SPATA1: variants seen among roughly 807,000 people sequenced by gnomAD.
SPATA1 encodes the protein spermatogenesis associated 1.
In SPATA1, 57 loss-of-function variants were observed where a neutral mutation model predicts 59.6. The ratio of observed to expected loss-of-function variants is 0.96; its 90% CI spans 0.77 to 1.19. The LOEUF is 1.19. SPATA1 is among the 50% of genes most tolerant of loss of function. The pLI is 0.00. For synonymous variants in SPATA1, 147 were observed against 163.9 expected (o/e 0.90, Z 0.79); for missense variants, 448 against 480.7 (o/e 0.93, Z 0.64).
intron 2 of SPATA1, among the ~76,000 whole-genome samples, chr1:84,518,322 A>T (rs1296268002): frequency 6.6e-6 from 1 of 152,112 alleles, no homozygotes; most frequent in Non-Finnish European, 1.5e-5. Context: ...ATATTAATTG[A>T]CATTAAGGAA....
rs773539511 is a variant in SPATA1 at position 84,560,533 on chromosome 1, C to T, written n.442+4554C>T. On this transcript the variant is annotated intron_variant and non_coding_transcript_variant, in intron 4 of 4. Transcript: ENST00000460286. ...GTTTTCATTCTGAAACCTCCCATGT[C>T]GGGTAAAATTATGATCAAACACATT... Among the ~76,000 whole-genome samples the T allele has an allele frequency of 1.1e-3, 161 of 152,110 alleles. 1 individual carries two copies. Among genetic ancestry groups the T allele is most frequent in the Non-Finnish European group, 2.6e-4 (18 of 68,020 alleles).
chr1:84,563,421 A>T (rs764489979), intron 4 of SPATA1: 27 of 1,494,656 alleles, frequency 1.8e-5, no homozygotes, highest in Middle Eastern at 3.6e-4. Flanking sequence ...ACATGATCCT[A>T]GAAATGCAAA....
chr1:84,550,275 G>A (rs891756800), intron 11 of SPATA1, 157 bp from the exon 12 acceptor site: 2 of 395,876 alleles, frequency 5.1e-6, no homozygotes, highest in Admixed American at 9.1e-5. Flanking sequence ...GAAACAAATA[G>A]TAATTTCTCC....
intron 1 of SPATA1, among the ~76,000 whole-genome samples, chr1:84,515,657 A>T (rs1682764848): frequency 6.6e-6 from 1 of 152,126 alleles, no homozygotes; most frequent in African/African-American, 2.4e-5. Flanking sequence ...TGTATCATAC[A>T]TTCTTGTAAA....
chr1:84,550,263 C>G, intron 11 of SPATA1, 169 bp from the exon 12 acceptor site: 1 of 383,830 alleles, frequency 2.6e-6, no homozygotes, highest in Non-Finnish European at 4.7e-6. Flanking sequence ...AAGAAATCAA[C>G]AGAAACAAAT....
At chr1:84,548,187 TTGAGA>T (rs1684151509) in intron 10 of SPATA1, among the ~76,000 whole-genome samples, 2 of 152,104 alleles carry the variant, frequency 1.3e-5, no homozygotes, top group Middle Eastern at 3.2e-3. Context: ...ATTTTTAAAT[TTGAGA>T]TTTTTGTTTC....
At chr1:84,513,204 C>T (rs1170443242) in intron 1 of SPATA1, among the ~76,000 whole-genome samples, 3 of 152,230 alleles carry the variant, frequency 2.0e-5, no homozygotes, top group African/African-American at 2.4e-5. Context: ...GGCGCAATCT[C>T]GGCTCTCCGC....
chr1:84,563,347 C>T (rs765879098), intron 4 of SPATA1: 4 of 1,598,572 alleles, frequency 2.5e-6, no homozygotes, highest in Non-Finnish European at 3.4e-6. Flanking sequence ...TTTTGTAGGG[C>T]ACCTGACGTC....
At chr1:84,515,360 A>T (rs1682751124) in intron 1 of SPATA1, among the ~76,000 whole-genome samples, 1 of 152,028 alleles carries the variant, frequency 6.6e-6, no homozygotes, top group Admixed American at 6.5e-5. Flanking sequence ...TTCAGGAAAT[A>T]ATCTTTTAAT....
intron 6 of SPATA1, among the ~76,000 whole-genome samples, chr1:84,532,070 G>T (rs1019877337): frequency 2.0e-5 from 3 of 152,180 alleles, no homozygotes; most frequent in Non-Finnish European, 4.4e-5. Context: ...TTGTTAAAAT[G>T]AAGGGAGATT....
chr1:84,544,177 T>G, intron 8 of SPATA1, 25 bp from the exon 9 acceptor site: 1 of 1,424,858 alleles, frequency 7.0e-7, no homozygotes, highest in South Asian at 1.2e-5. Context: ...TAGCCGATCT[T>G]ACTCATTTTC....
exon 13 of SPATA1, chr1:84,553,419 T>C (rs1269926640): frequency 6.5e-6 from 1 of 154,160 alleles, no homozygotes; most frequent in African/African-American, 2.4e-5. Context: ...TATTTAACAA[T>C]TTAAGAGCTA....
chr1:84,559,233 TTATTA>T (rs1684537274), downstream of SPATA1, among the ~76,000 whole-genome samples: 1 of 152,204 alleles, frequency 6.6e-6, no homozygotes, highest in Non-Finnish European at 1.5e-5. Flanking sequence ...TTCATTATTA[TTATTA>T]TATCTGTTAT....
At chr1:84,531,570 CTTTT>C (rs11344822) in intron 6 of SPATA1, among the ~76,000 whole-genome samples, 8 of 105,234 alleles carry the variant, frequency 7.6e-5, no homozygotes, top group Non-Finnish European at 7.6e-5. Flanking sequence ...TTTGGCAAGT[CTTTT>C]TTTTTTTTTT....
downstream of SPATA1, among the ~76,000 whole-genome samples, chr1:84,566,565 G>A (rs1023986312): frequency 3.3e-5 from 5 of 152,174 alleles, no homozygotes; most frequent in African/African-American, 7.2e-5. Context: ...GATTAATCAA[G>A]TCAAAATGTT....
At chr1:84,565,509 G>A (rs538972348) in intron 4 of SPATA1, among the ~76,000 whole-genome samples, 18 of 152,204 alleles carry the variant, frequency 1.2e-4, no homozygotes, top group South Asian at 2.1e-4. Context: ...GTGATTTCAT[G>A]ACAAGAATAT....
chr1:84,558,912 G>T (rs960453478), downstream of SPATA1, among the ~76,000 whole-genome samples: 8 of 151,748 alleles, frequency 5.3e-5, no homozygotes, highest in African/African-American at 1.9e-4. Flanking sequence ...AAAAAAAGAA[G>T]AATGTGTTCC....
chr1:84,543,493 G>C (rs1190637272), intron 8 of SPATA1, among the ~76,000 whole-genome samples: 2 of 152,084 alleles, frequency 1.3e-5, no homozygotes, highest in Non-Finnish European at 2.9e-5. Context: ...AGGCAAAGGG[G>C]GAGCAAGGCT....
chr1:84,526,992 A>T lies in SPATA1; in HGVS notation c.544+919A>T, dbSNP rs185005294. 2.0e-4 allele frequency among the ~76,000 whole-genome samples: 30 copies of T among 152,304 alleles called. No individual in the cohort carries two copies. The East Asian group carries it at 3.3e-3, about 17-fold the overall frequency. Reference sequence around the variant, plus strand: ...TAGGAAAAAAAGATAGGTAATTTAAAATGTTTAAATAAAAATTAAACTCAC... The same window carrying T: ...TAGGAAAAAAAGATAGGTAATTTAATATGTTTAAATAAAAATTAAACTCAC... On this transcript the variant is annotated intron_variant, in intron 6 of 12. Coordinates refer to ENST00000490879, the Ensembl canonical transcript of SPATA1.
Sources: allele counts gnomAD v4.1 joint callset (sites outside exome capture counted in the v4.1 genomes callset), GRCh38; gene constraint gnomAD v4.1.1; transcripts MANE v1.5; gene names NCBI Gene and HGNC (gene_info 2026-07-23, HGNC 2026-07-21).